CTU2: variants seen among roughly 807,000 people sequenced by gnomAD.
CTU2 encodes the protein cytoplasmic tRNA 2-thiolation protein 2.
CTU2 carries 80 observed loss-of-function variants against 64.1 expected under a neutral mutation model. That is an observed-to-expected ratio of 1.25 (90% confidence interval 1.04 to 1.50). The LOEUF is 1.50. Among genes scored for constraint, CTU2 ranks in the 40% most tolerant of loss-of-function variants. The probability of loss-of-function intolerance (pLI) is 0.00; values close to 1 mark genes in which losing one functional copy is unlikely to be tolerated. For synonymous variants in CTU2, 482 were observed against 285.3 expected (o/e 1.69, Z -6.95); for missense variants, 1,110 against 690.2 (o/e 1.61, Z -6.81).
chr16:88,711,502 A>G (rs1251612936), intron 4 of CTU2, 133 bp from the exon 5 acceptor site: 13 of 903,406 alleles, frequency 1.4e-5, no homozygotes, highest in East Asian at 2.8e-5. Flanking sequence ...GCTTTGTCCA[A>G]TAAACGCAAT....
chr16:88,708,626 C>G (rs530164159), intron 2 of CTU2, among the ~76,000 whole-genome samples: 1 of 152,156 alleles, frequency 6.6e-6, no homozygotes, highest in African/African-American at 2.4e-5. Flanking sequence ...TGCTGTTAAA[C>G]ACAGACTTGC....
At chr16:88,706,650 C>T (rs1405813449) in intron 1 of CTU2, 52 bp downstream of exon 1, 2 of 1,290,914 alleles carry the variant, frequency 1.5e-6, no homozygotes, top group Non-Finnish European at 2.0e-6. Context: ...TCCCGCCGCA[C>T]TCCTGCCCCG....
At chr16:88,712,461 C>G (rs1911407863) in intron 6 of CTU2, 78 bp downstream of exon 6, 1 of 1,449,756 alleles carries the variant, frequency 6.9e-7, no homozygotes. Flanking sequence ...CCTCACTGGC[C>G]TCTCCCTCAT....
intron 2 of CTU2, among the ~76,000 whole-genome samples, chr16:88,707,812 G>GT (rs11395253): frequency 0.63 from 91,151 of 144,568 alleles, 27,891 homozygotes; most frequent in East Asian, 0.76. Context: ...TGTTGTTGTT[G>GT]TTTTTTTTGA....
At chr16:88,711,236 C>A (rs528570027) in intron 4 of CTU2, among the ~76,000 whole-genome samples, 1 of 152,282 alleles carries the variant, frequency 6.6e-6, no homozygotes, top group Admixed American at 6.5e-5. Context: ...CTGTGCCCAG[C>A]GGCGCCCCTG....
rs148239801 is a variant in CTU2 at position 88,712,354 on chromosome 16, T to C, written c.424T>C (p.Phe142Leu). 336 of 1,610,208 alleles carry C rather than the reference T, an allele frequency of 2.1e-4. No individual in the cohort carries two copies. In the African/African-American group the frequency reaches 4.1e-3, roughly 20 times the overall value. Residue 142 changes from phenylalanine (F) to leucine (L), a missense_variant, in exon 6 of 15, where the codon TTC becomes CTC. Phe to Leu is a conservative substitution (Grantham distance 22). Coordinates refer to ENST00000453996, the MANE Select transcript of CTU2 (RefSeq NM_001012759.3). ...GAAGCCCATTCTGCAAGCAACTGGG[T>C]TCCCATGGCATGTGGTGGCCTTAGA... The part of the protein sequence containing the change: ...EVKPILQATG[F>L]PWHVVALEEV...
At chr16:88,708,287 G>C (rs1032855636) in intron 2 of CTU2, among the ~76,000 whole-genome samples, 2 of 152,172 alleles carry the variant, frequency 1.3e-5, no homozygotes, top group Non-Finnish European at 2.9e-5. Context: ...GGCTCTCTAG[G>C]GGAAGGCCTT....
At chr16:88,714,089 G>T (rs1000911929) in intron 9 of CTU2, 47 bp from the exon 10 acceptor site, 2 of 1,576,594 alleles carry the variant, frequency 1.3e-6, no homozygotes, top group Non-Finnish European at 1.7e-6. Flanking sequence ...CCCAGCCTGG[G>T]GCTGGCCTCT....
In CTU2 at chr16:88,712,624, G is replaced by A. The variant is rs2290896; in HGVS notation, c.456G>A (p.Val152=). The A allele has an allele frequency of 1.1e-5, 17 of 1,609,412 alleles. No homozygotes were observed. In the African/African-American group the frequency reaches 1.9e-4, roughly 18 times the overall value. ...TGGCGTCTCCCTCATCCCGGAAGGT[G>A]TTCAGCCTGCCACCGTCGGTGCTTT... ...FPWHVVALEE[V]FSLPPSVLWC... is the part of the protein sequence containing the mutation. The change falls in exon 7 of 15, where the codon GTG becomes GTA. Residue 152 remains valine, a splice_region_variant and synonymous_variant. Transcript: ENST00000453996.
At chr16:88,711,719 T>G in intron 5 of CTU2, 24 bp downstream of exon 5, 1 of 1,599,680 alleles carries the variant, frequency 6.3e-7, no homozygotes, top group South Asian at 1.1e-5. Context: ...TTGCTCCTCC[T>G]AGTCCCTGGC....
rs763922884 is a variant in CTU2, at chr16:88,715,283, A to G, written c.*32A>G. 4 of 1,604,356 alleles carry G rather than the reference A, an allele frequency of 2.5e-6. No individual in the cohort carries two copies. The South Asian group carries it at 4.4e-5, about 18-fold the overall frequency. On this transcript the variant is annotated 3_prime_UTR_variant, in exon 15 of 15. Coordinates refer to ENST00000453996, the MANE Select transcript of CTU2 (RefSeq NM_001012759.3). ...GGACGTGCTTGCCGGGACAGCAGGC[A>G]GTGGCCACCTGGTACACCACACTGG...
At chr16:88,713,838 C>T in intron 9 of CTU2, 60 bp downstream of exon 9, 3 of 1,601,342 alleles carry the variant, frequency 1.9e-6, no homozygotes, top group East Asian at 4.5e-5. Context: ...GCCATGTGGG[C>T]TGGGCAGCCT....
Position 88,713,668 on chromosome 16 carries a change from G to C in CTU2, c.895G>C (p.Gly299Arg). The change falls in exon 9 of 15, where the codon GGG becomes CGG. Residue 299 changes from glycine (G) to arginine (R), a missense_variant. By Grantham distance (125) the Gly-to-Arg change is moderately radical (BLOSUM62 -2). Transcript: ENST00000453996. ...GCAGGGCTTCTCGGATGAGCGGCAC[G>C]GGGACGTGGTGGTGGTGCGGCCCAT... Reference protein sequence around the residue: ...WDTGFSDERHGDVVVVRPMRD... With the variant: ...WDTGFSDERHRDVVVVRPMRD... 3.1e-6 allele frequency: 5 copies of C among 1,612,488 alleles called. No individual in the cohort carries two copies. Among genetic ancestry groups the C allele is most frequent in the Non-Finnish European group, 4.2e-6 (5 of 1,179,826 alleles).
At chr16:88,711,507 C>T (rs1038299532) in intron 4 of CTU2, 128 bp from the exon 5 acceptor site, 18 of 941,366 alleles carry the variant, frequency 1.9e-5, no homozygotes, top group Middle Eastern at 2.3e-4. Context: ...GTCCAATAAA[C>T]GCAATGGCAG....
At chr16:88,714,996 TGAG>T (rs2142739818) in intron 13 of CTU2, 49 bp from the exon 14 acceptor site, 1 of 1,596,534 alleles carries the variant, frequency 6.3e-7, no homozygotes, top group African/African-American at 1.3e-5. Context: ...GTGGGTGGCT[TGAG>T]GGGGTGCTGG....
Position 88,715,259 on chromosome 16 carries a change from G to C in CTU2, c.*8G>C. The C allele has an allele frequency of 6.2e-7, 1 of 1,610,596 alleles. No individual in the cohort carries two copies. Among genetic ancestry groups the C allele is most frequent in the East Asian group, 2.2e-5 (1 of 44,878 alleles). ...GAGGCGGGCCAGAGCTGAGCGTGAG[G>C]ACGTGCTTGCCGGGACAGCAGGCAG... On this transcript the variant is annotated 3_prime_UTR_variant, in exon 15 of 15. Coordinates refer to ENST00000453996, the MANE Select transcript of CTU2 (RefSeq NM_001012759.3).
At position 88,712,674 on chromosome 16, in the gene CTU2, G is replaced by T; in HGVS notation, c.506G>T (p.Gly169Val). Residue 169 changes from glycine to valine, a missense_variant, in exon 7 of 15, where the codon GGA becomes GTA. Physicochemically the swap from Gly to Val is moderately radical, Grantham distance 109 (BLOSUM62 -3). Transcript: ENST00000453996. ...TGGTGCTCTGCCCAGGAGCTGGTGG[G>T]ATCCGAGGGGGCCTACAAGGCGGCC... ...VLWCSAQELV[G>V]SEGAYKAAVD... The T allele has an allele frequency of 6.2e-7, 1 of 1,610,620 alleles. No homozygotes were observed. Among genetic ancestry groups the T allele is most frequent in the Non-Finnish European group, 8.5e-7 (1 of 1,179,546 alleles).
Position 88,707,124 on chromosome 16 carries a change from C to G in CTU2, c.69-12C>G, listed in dbSNP as rs755514104. ...CTGTGTTTCTCTCTTCTCCCCCCTC[C>G]CATCTCCAAAGCCGTGAGCAGAAGT... On this transcript the variant is annotated splice_polypyrimidine_tract_variant and intron_variant, in intron 1 of 14. Transcript: ENST00000453996. The G allele has an allele frequency of 5.6e-6, 9 of 1,613,230 alleles. No individual in the cohort carries two copies. In the Admixed American group the frequency reaches 1.5e-4, roughly 27 times the overall value.
At position 88,711,686 on chromosome 16, in the gene CTU2, T is replaced by C. The variant is rs1305814828; in HGVS notation, c.334T>C (p.Phe112Leu). The C allele has an allele frequency of 6.2e-7, 1 of 1,608,956 alleles. No individual in the cohort carries two copies. Among genetic ancestry groups the C allele is most frequent in the African/African-American group, 1.3e-5 (1 of 74,962 alleles). The change falls in exon 5 of 15, where the codon TTT becomes CTT. Residue 112 changes from phenylalanine (F) to leucine (L), a missense_variant. Physicochemically the swap from Phe to Leu is conservative, Grantham distance 22. Transcript: ENST00000453996. ...KRLRFVAGVI[F>L]VDEGAACGQS... is the part of the protein sequence containing the mutation. Reference sequence around the variant, plus strand: ...ACTGCGCTTTGTGGCAGGAGTCATCTTTGTTGACGGTATGTGGGGCCATTG... The same window carrying C: ...ACTGCGCTTTGTGGCAGGAGTCATCCTTGTTGACGGTATGTGGGGCCATTG...
Sources: gnomAD v4.1 joint callset for allele counts (sites outside exome capture counted in the v4.1 genomes callset) on GRCh38, gnomAD v4.1.1 for gene constraint, MANE v1.5 for transcripts, NCBI Gene and HGNC (gene_info 2026-07-23, HGNC 2026-07-21) for gene names.